The following TRIM37 variants were observed in gnomAD, a reference collection of about 807,000 sequenced individuals.
TRIM37 encodes the protein tripartite motif containing 37.
In TRIM37, 80 loss-of-function variants were observed where a neutral mutation model predicts 129.8. That is an observed-to-expected ratio of 0.62 (90% confidence interval 0.51 to 0.74). The LOEUF (loss-of-function observed/expected upper bound fraction) is 0.74. TRIM37 is among the 30% of genes least tolerant of loss of function. The probability of loss-of-function intolerance (pLI) is 0.00; values close to 1 mark genes in which losing one functional copy is unlikely to be tolerated. For missense variants in TRIM37, 1,054 were observed against 1,176.5 expected, an observed-to-expected ratio of 0.90 and a Z score of 1.52; for synonymous variants, 389 against 387.1, an observed-to-expected ratio of 1.00 and a Z score of -0.06.
the TRIM37 span, chr17:58,969,441 T>A: frequency 8.8e-7 from 1 of 1,137,034 alleles, no homozygotes; most frequent in South Asian, 1.3e-5. Flanking sequence ...ACAAATGCAG[T>A]GGAGGAGAAA....
In TRIM37 at chr17:59,047,789, C is replaced by G. The variant is rs1480325266; in HGVS notation, c.1561G>C (p.Asp521His). 1 of 1,613,928 alleles carries G rather than the reference C, an allele frequency of 6.2e-7. No individual in the cohort carries two copies. Among genetic ancestry groups the G allele is most frequent in the Non-Finnish European group, 8.5e-7 (1 of 1,180,022 alleles). Reference protein sequence around the residue: ...HELSDGDLDLDLVYEDEVNQL... With the variant: ...HELSDGDLDLHLVYEDEVNQL... ...TTTACTTCATCCTCATAAACAAGAT[C>G]CAGATCCAGATCTCCATCTGAAAGC... Residue 521 changes from aspartate (D) to histidine (H), a missense_variant, in exon 16 of 24, where the codon GAT (aspartate) becomes CAT (histidine). This residue lies in a region of TRIM37 where 752 missense variants were observed against 870.8 expected (regional missense o/e 0.86). Coordinates refer to ENST00000262294, the MANE Select transcript of TRIM37 (RefSeq NM_015294.6).
downstream of TRIM37, chr17:58,982,606 T>C (rs1210240295): frequency 1.7e-5 from 6 of 352,726 alleles, no homozygotes; most frequent in African/African-American, 1.3e-4. Flanking sequence ...GATACCAGTA[T>C]AGCTATATCA....
In TRIM37 at chr17:58,999,111, T is replaced by C. The variant is rs1462188560; in HGVS notation, c.*266A>G. The C allele has an allele frequency of 7.9e-7, 1 of 1,273,094 alleles. No homozygotes were observed. The highest frequency in any genetic ancestry group is 1.0e-6 in the Non-Finnish European group (1 of 1,003,198). The allele number at this position is 1,273,094 out of a possible 1,614,324, so 78.9% of individuals were successfully genotyped here. A position where few individuals can be genotyped will look rare whatever the true frequency, so the allele number is the denominator to read the frequency against. On this transcript the variant is annotated 3_prime_UTR_variant, in exon 24 of 24. Transcript: ENST00000262294. ...TAGTAGACAAACTGCCTTTTGTGAA[T>C]GTACAAATTTGCTAAATTAATAGAG...
rs2033236481 is a variant in TRIM37 at position 58,998,456 on chromosome 17, G to A, written c.*921C>T. On this transcript the variant is annotated 3_prime_UTR_variant, in exon 24 of 24. Coordinates refer to ENST00000262294, the MANE Select transcript of TRIM37 (RefSeq NM_015294.6). ...ACAAATGCAGGAGCACAATGGCAAA[G>A]TTTGGCAACTGTTTTGGGCTAATTA... 1.0e-6 allele frequency: 1 copy of A among 985,292 alleles called. No homozygotes were observed. The highest frequency in any genetic ancestry group is 4.7e-5 in the South Asian group (1 of 21,288). The allele number at this position is 985,292 out of a possible 1,614,324, so 61.0% of individuals were successfully genotyped here. A position where few individuals can be genotyped will look rare whatever the true frequency, so the allele number is the denominator to read the frequency against.
chr17:59,064,444 T>C, intron 9 of TRIM37, 39 bp from the exon 10 acceptor site: 1 of 1,503,030 alleles, frequency 6.7e-7, no homozygotes. Flanking sequence ...TTAGCTTACA[T>C]GTTTAAAATT....
At chr17:59,089,262 A>T (rs1295131109) in intron 3 of TRIM37, among the ~76,000 whole-genome samples, 1 of 151,772 alleles carries the variant, frequency 6.6e-6, no homozygotes, top group Non-Finnish European at 1.5e-5. Context: ...TCAAAAACAA[A>T]ACAAAACAAA....
At chr17:59,052,727 G>T (rs1359618328) in intron 13 of TRIM37, among the ~76,000 whole-genome samples, 1 of 152,042 alleles carries the variant, frequency 6.6e-6, no homozygotes, top group South Asian at 2.1e-4. Context: ...GGCCGAGGTG[G>T]GCAGATCACC....
chr17:59,090,599 TTTTTTG>T (rs2044207273), intron 3 of TRIM37, among the ~76,000 whole-genome samples: 1 of 152,012 alleles, frequency 6.6e-6, no homozygotes, highest in Admixed American at 6.6e-5. Context: ...TTTTTGTTTG[TTTTTTG>T]TTTTTATTTT....
At chr17:58,975,413 G>A in the TRIM37 span, among the ~76,000 whole-genome samples, 1 of 152,168 alleles carries the variant, frequency 6.6e-6, no homozygotes, top group Admixed American at 6.5e-5. Flanking sequence ...AAGGAGGGAG[G>A]AATGCCTGAG....
intron 4 of TRIM37, among the ~76,000 whole-genome samples, chr17:59,087,704 G>A (rs1159588065): frequency 6.6e-6 from 1 of 152,088 alleles, no homozygotes; most frequent in East Asian, 1.9e-4. Flanking sequence ...TGACTCTACA[G>A]AAAGTGACAA....
chr17:59,091,486 ATAATATAT>A (rs2044313531), intron 2 of TRIM37, 146 bp from the exon 3 acceptor site: 1 of 147,530 alleles, frequency 6.8e-6, no homozygotes, highest in Admixed American at 9.5e-5. Flanking sequence ...TATATAATAT[ATAATATAT>A]TATTATATAA....
downstream of TRIM37, among the ~76,000 whole-genome samples, chr17:58,996,794 G>GTGTA (rs2033056849): frequency 1.7e-5 from 1 of 60,562 alleles, no homozygotes; most frequent in Non-Finnish European, 3.8e-5. Context: ...ATATATATAT[G>GTGTA]TGTGTGTGTG....
chr17:58,996,020 ATAAT>A (rs1470122380), downstream of TRIM37, among the ~76,000 whole-genome samples: 2 of 152,082 alleles, frequency 1.3e-5, no homozygotes, highest in African/African-American at 4.8e-5. Flanking sequence ...AATAATAATA[ATAAT>A]TAATAGAAAC....
chr17:59,051,249 T>A lies in TRIM37; in HGVS notation c.1279A>T (p.Thr427Ser). 1 of 1,613,770 alleles carries A rather than the reference T, an allele frequency of 6.2e-7. No homozygotes were observed. The highest frequency in any genetic ancestry group is 8.5e-7 in the Non-Finnish European group (1 of 1,179,718). Residue 427 changes from threonine (T) to serine (S), a missense_variant, in exon 14 of 24, where the codon ACT (threonine) becomes TCT (serine). By Grantham distance (58) the Thr-to-Ser change is moderately conservative. This residue lies in a region of TRIM37 where 752 missense variants were observed against 870.8 expected (regional missense o/e 0.86). Transcript: ENST00000262294. ...TTGTTTATTTGTTGGATATAACTAG[T>A]CTGTGCAGCTTCCAACTGAGTAATG... ...WYITQLEAAQ[T>S]SYIQQINNLK...
chr17:59,017,875 C>T (rs560268828), intron 19 of TRIM37, among the ~76,000 whole-genome samples: 5 of 152,230 alleles, frequency 3.3e-5, no homozygotes, highest in South Asian at 4.1e-4. Flanking sequence ...ATCCACCTGC[C>T]GCGGCCTCCC....
intron 19 of TRIM37, among the ~76,000 whole-genome samples, chr17:59,025,211 A>G (rs2037099480): frequency 6.6e-6 from 1 of 152,126 alleles, no homozygotes; most frequent in Non-Finnish European, 1.5e-5. Context: ...CATTCCATTT[A>G]CCTCACACAG....
rs1401989306 is a variant in TRIM37, at chr17:59,028,622, C to T, written c.2050G>A (p.Glu684Lys). ...ACATCAGTTTTCATACATCGAACTTCGGCCATTTGAGTTTTGAGTCTTTTT... is the reference window on the plus strand; with the variant it reads ...ACATCAGTTTTCATACATCGAACTTTGGCCATTTGAGTTTTGAGTCTTTTT... ...MLKRLKTQMA[E>K]VRCMKTDVKN... The change falls in exon 19 of 24, where the codon GAA (glutamate) becomes AAA (lysine). Residue 684 changes from glutamate (E) to lysine (K), a missense_variant. This residue lies in a region of TRIM37 where 752 missense variants were observed against 870.8 expected (regional missense o/e 0.86). Coordinates refer to ENST00000262294, the MANE Select transcript of TRIM37 (RefSeq NM_015294.6). The T allele has an allele frequency of 5.0e-6, 8 of 1,614,204 alleles. No homozygotes were observed. The highest frequency in any genetic ancestry group is 2.2e-5 in the South Asian group (2 of 91,084).
intron 2 of TRIM37, among the ~76,000 whole-genome samples, chr17:59,103,840 G>A (rs2045754824): frequency 6.6e-6 from 1 of 151,880 alleles, no homozygotes; most frequent in Admixed American, 6.6e-5. Context: ...TAGAGACAGG[G>A]TTTCACCATG....
chr17:58,978,241 G>A (rs142530358), downstream of TRIM37, among the ~76,000 whole-genome samples: 29 of 152,200 alleles, frequency 1.9e-4, no homozygotes, highest in Non-Finnish European at 3.4e-4. Context: ...TGACACTAGT[G>A]CTGGTGTCCT....
Sources: allele counts gnomAD v4.1 joint callset (sites outside exome capture counted in the v4.1 genomes callset), GRCh38; gene constraint gnomAD v4.1.1; regional missense constraint gnomAD v4.1.1; transcripts MANE v1.5; gene names NCBI Gene and HGNC (gene_info 2026-07-23, HGNC 2026-07-21).